The following CDH12 variants were observed in gnomAD, a reference collection of about 807,000 sequenced individuals.
The protein encoded by CDH12 is cadherin-12.
A neutral mutation model predicts 74.1 loss-of-function variants in CDH12; 41 were observed. The observed-to-expected ratio is 0.55, with a 90% CI of 0.43 to 0.72. CDH12 has a LOEUF of 0.72. Among genes scored for constraint, CDH12 ranks in the 30% least tolerant of loss-of-function variants. CDH12 has a pLI of 0.00. For missense variants in CDH12, 945 were observed against 977.2 expected, an observed-to-expected ratio of 0.97 and a Z score of 0.44; for synonymous variants, 399 against 355.0, an observed-to-expected ratio of 1.12 and a Z score of -1.39.
chr5:21,868,696 A>T (rs1445995807), intron 6 of CDH12, among the ~76,000 whole-genome samples: 1 of 152,108 alleles, frequency 6.6e-6, no homozygotes, highest in Non-Finnish European at 1.5e-5. Context: ...TGTATTTTGG[A>T]AGCAGGTAAC....
At chr5:22,516,773 G>A (rs969347862) in intron 1 of CDH12, among the ~76,000 whole-genome samples, 1 of 151,826 alleles carries the variant, frequency 6.6e-6, no homozygotes, top group South Asian at 2.1e-4. Context: ...CTAGCCTGAG[G>A]GACAGAGCGA....
At chr5:22,033,751 T>A (rs1428317197) in intron 5 of CDH12, among the ~76,000 whole-genome samples, 1 of 151,998 alleles carries the variant, frequency 6.6e-6, no homozygotes, top group East Asian at 1.9e-4. Flanking sequence ...GGTAAAACAA[T>A]CCTTACATAT....
At chr5:22,778,297 A>G (rs1462201028) in intron 1 of CDH12, among the ~76,000 whole-genome samples, 1 of 152,138 alleles carries the variant, frequency 6.6e-6, no homozygotes, top group Admixed American at 6.6e-5. Flanking sequence ...ACACATTGTA[A>G]AAGTTACTAA....
At chr5:22,662,047 C>T (rs1377507365) in intron 1 of CDH12, among the ~76,000 whole-genome samples, 2 of 152,094 alleles carry the variant, frequency 1.3e-5, no homozygotes, top group African/African-American at 2.4e-5. Flanking sequence ...TTGAAAAGCA[C>T]CACAGAATCA....
At chr5:22,183,907 G>A (rs1338277812) in intron 4 of CDH12, among the ~76,000 whole-genome samples, 1 of 151,992 alleles carries the variant, frequency 6.6e-6, no homozygotes, top group Non-Finnish European at 1.5e-5. Flanking sequence ...GTTAGAAAGG[G>A]TCCTTTCTAC....
chr5:22,214,545 G>C (rs1305346026), intron 3 of CDH12, among the ~76,000 whole-genome samples: 1 of 152,180 alleles, frequency 6.6e-6, no homozygotes, highest in Non-Finnish European at 1.5e-5. Flanking sequence ...ATAACAGTGG[G>C]ATAGATTCCA....
chr5:22,543,511 C>A (rs928667167), intron 1 of CDH12, among the ~76,000 whole-genome samples: 1 of 151,912 alleles, frequency 6.6e-6, no homozygotes, highest in East Asian at 1.9e-4. Context: ...AGCTTAATAT[C>A]GATTGTTGAT....
chr5:22,569,300 AT>A (rs1487769795), intron 1 of CDH12, among the ~76,000 whole-genome samples: 2 of 152,056 alleles, frequency 1.3e-5, no homozygotes, highest in African/African-American at 4.8e-5. Flanking sequence ...TTGAGATCTG[AT>A]TAAGTGTGTG....
chr5:22,705,049 T>C lies in CDH12; in HGVS notation c.-523+148009A>G, dbSNP rs1452313532. ...ATATGCATATATATACACACACGCATATATAATGTGCGTGTTTGTGGGGGG... is the reference window on the plus strand; with the variant it reads ...ATATGCATATATATACACACACGCACATATAATGTGCGTGTTTGTGGGGGG... On this transcript the variant is annotated intron_variant, in intron 1 of 14. Coordinates refer to ENST00000382254, the MANE Select transcript of CDH12 (RefSeq NM_004061.5). Among the ~76,000 whole-genome samples, 6 of 151,280 alleles carry C rather than the reference T, an allele frequency of 4.0e-5. No homozygotes were observed. The Admixed American group carries it at 4.0e-4, about 10-fold the overall frequency.
chr5:22,164,399 C>T (rs1156802398), intron 4 of CDH12, among the ~76,000 whole-genome samples: 4 of 152,150 alleles, frequency 2.6e-5, no homozygotes, highest in South Asian at 2.1e-4. Flanking sequence ...CGATGGGGAG[C>T]GACAGTGGGC....
At chr5:22,299,939 C>A (rs2150418988) in intron 3 of CDH12, among the ~76,000 whole-genome samples, 1 of 152,218 alleles carries the variant, frequency 6.6e-6, no homozygotes, top group South Asian at 2.1e-4. Flanking sequence ...AATTCCCAAG[C>A]AAATTAACTA....
intron 6 of CDH12, among the ~76,000 whole-genome samples, chr5:21,966,870 C>T (rs548271101): frequency 2.2e-3 from 337 of 152,228 alleles, no homozygotes; most frequent in Non-Finnish European, 3.6e-3. Context: ...ACTCTTCACT[C>T]TTTTTGAATC....
intron 1 of CDH12, among the ~76,000 whole-genome samples, chr5:22,612,450 A>AT (rs1323145436): frequency 6.6e-6 from 1 of 152,166 alleles, no homozygotes; most frequent in South Asian, 2.1e-4. Context: ...GAAAAGAAAG[A>AT]TTTTGTGGCA....
At chr5:22,702,493 T>A (rs768131930) in intron 1 of CDH12, among the ~76,000 whole-genome samples, 4 of 152,102 alleles carry the variant, frequency 2.6e-5, no homozygotes, top group Non-Finnish European at 5.9e-5. Context: ...TCGTTCAATG[T>A]CCTAAGAAAG....
At chr5:22,020,982 T>A (rs1003113428) in intron 5 of CDH12, among the ~76,000 whole-genome samples, 5 of 152,170 alleles carry the variant, frequency 3.3e-5, no homozygotes, top group African/African-American at 1.2e-4. Flanking sequence ...TATGATATCA[T>A]ACTGGACCAG....
intron 3 of CDH12, among the ~76,000 whole-genome samples, chr5:22,280,780 A>G (rs1413910999): frequency 1.3e-5 from 2 of 152,232 alleles, no homozygotes; most frequent in Non-Finnish European, 1.5e-5. Flanking sequence ...TCACAGCTGA[A>G]TTCTACGAGA....
At position 22,202,401 on chromosome 5, in the gene CDH12, G is replaced by A. The variant is rs181194984; in HGVS notation, c.-187+10097C>T. Among the ~76,000 whole-genome samples, 3 of 152,264 alleles carry A rather than the reference G, an allele frequency of 2.0e-5. No homozygotes were observed. The East Asian group carries it at 5.8e-4, about 29-fold the overall frequency. On this transcript the variant is annotated intron_variant, in intron 4 of 14. Transcript: ENST00000382254. ...GGTGATATTTTAGGTAGAATGGTAA[G>A]AGAAAACTGAAAAATTAGTTTCAGC...
chr5:22,326,724 C>T (rs533309810), intron 3 of CDH12, among the ~76,000 whole-genome samples: 8 of 152,262 alleles, frequency 5.3e-5, no homozygotes, highest in Admixed American at 3.9e-4. Context: ...AAAATCCTGT[C>T]AAATTCTGTG....
At chr5:22,165,723 C>T (rs973308437) in intron 4 of CDH12, among the ~76,000 whole-genome samples, 5 of 152,264 alleles carry the variant, frequency 3.3e-5, no homozygotes, top group African/African-American at 1.2e-4. Flanking sequence ...GCACAAGATA[C>T]AGGTCATAAA....
Sources: allele counts gnomAD v4.1 joint callset (sites outside exome capture counted in the v4.1 genomes callset), GRCh38; gene constraint gnomAD v4.1.1; transcripts MANE v1.5; gene names NCBI Gene and HGNC (gene_info 2026-07-23, HGNC 2026-07-21).